MOK: variants seen among roughly 807,000 people sequenced by gnomAD.
The protein encoded by MOK is MAPK/MAK/MRK overlapping kinase.
MOK carries 59 observed loss-of-function variants against 54.2 expected under a neutral mutation model. The observed-to-expected ratio is 1.09, with a 90% CI of 0.88 to 1.35. MOK has a LOEUF of 1.35. Among genes scored for constraint, MOK ranks in the 40% most tolerant of loss-of-function variants. The pLI is 0.00. For missense variants in MOK, 517 were observed against 526.2 expected, an observed-to-expected ratio of 0.98 and a Z score of 0.17; for synonymous variants, 210 against 202.7, an observed-to-expected ratio of 1.04 and a Z score of -0.31.
chr14:102,272,400 G>T (rs998303819), intron 2 of MOK, among the ~76,000 whole-genome samples: 1 of 151,750 alleles, frequency 6.6e-6, no homozygotes, highest in Non-Finnish European at 1.5e-5. Flanking sequence ...AAGCAGAATT[G>T]CTTGAGGCGG....
At chr14:102,285,884 C>T (rs1388271375) in intron 1 of MOK, among the ~76,000 whole-genome samples, 2 of 151,806 alleles carry the variant, frequency 1.3e-5, no homozygotes, top group Non-Finnish European at 2.9e-5. Flanking sequence ...AAGAGCAAAA[C>T]TCTGTCTCAA....
intron 1 of MOK, among the ~76,000 whole-genome samples, chr14:102,285,396 C>G (rs1054310110): frequency 6.6e-6 from 1 of 152,166 alleles, no homozygotes; most frequent in Non-Finnish European, 1.5e-5. Context: ...AACTGCAGCG[C>G]TGAAGGTGGG....
At chr14:102,287,816 T>C (rs926555856) in intron 1 of MOK, among the ~76,000 whole-genome samples, 1 of 150,024 alleles carries the variant, frequency 6.7e-6, no homozygotes, top group Non-Finnish European at 1.5e-5. Context: ...GCCAGTTCTT[T>C]GAGATTTTTT....
chr14:102,272,001 C>T (rs905311518), intron 2 of MOK, among the ~76,000 whole-genome samples: 12 of 152,154 alleles, frequency 7.9e-5, no homozygotes, highest in African/African-American at 2.9e-4. Flanking sequence ...ACCTCAGCCT[C>T]CCAAGTGGCT....
intron 7 of MOK, among the ~76,000 whole-genome samples, chr14:102,239,512 C>T (rs1214176787): frequency 2.0e-5 from 3 of 146,584 alleles, no homozygotes; most frequent in African/African-American, 4.9e-5. Flanking sequence ...ACACCAGGCC[C>T]TCCCAATACC....
At chr14:102,237,617 A>AAACC (rs1313803481) in intron 7 of MOK, among the ~76,000 whole-genome samples, 2 of 152,144 alleles carry the variant, frequency 1.3e-5, no homozygotes, top group Non-Finnish European at 2.9e-5. Context: ...TGCAAACTTC[A>AAACC]AACCGCTCTT....
At chr14:102,256,584 T>A (rs1229789252) in intron 4 of MOK, among the ~76,000 whole-genome samples, 4 of 151,560 alleles carry the variant, frequency 2.6e-5, no homozygotes, top group South Asian at 2.1e-4. Flanking sequence ...AAAAAAAAAA[T>A]TGTTTTTTTG....
intron 4 of MOK, among the ~76,000 whole-genome samples, chr14:102,262,438 T>G (rs1420338679): frequency 6.6e-6 from 1 of 152,260 alleles, no homozygotes; most frequent in African/African-American, 2.4e-5. Context: ...ATTATAGGCA[T>G]GAGCCACTGC....
At chr14:102,268,858 T>G (rs1265459760) in intron 2 of MOK, among the ~76,000 whole-genome samples, 3 of 148,626 alleles carry the variant, frequency 2.0e-5, no homozygotes, top group Non-Finnish European at 4.4e-5. Context: ...GAGCTTGCAG[T>G]AAGCCGAAAT....
chr14:102,299,015 G>A (rs1385139844), intron 1 of MOK, among the ~76,000 whole-genome samples: 1 of 152,088 alleles, frequency 6.6e-6, no homozygotes, highest in African/African-American at 2.4e-5. Context: ...AACTTCAGAA[G>A]GAACAAACTC....
Position 102,231,672 on chromosome 14 carries a change from G to T in MOK, c.981+35C>A. Reference sequence around the variant, plus strand: ...CCCGAGGGCATCCAGTCCCGGCTGAGCTAGGCAGTCTCCGGCTCCGATTTC... The same window carrying T: ...CCCGAGGGCATCCAGTCCCGGCTGATCTAGGCAGTCTCCGGCTCCGATTTC... On this transcript the variant is annotated intron_variant, in intron 10 of 11. Coordinates refer to ENST00000361847, the MANE Select transcript of MOK (RefSeq NM_014226.3). The surrounding 1 kb of genome is among the most constrained non-coding windows in gnomAD (Gnocchi z 4.4). The T allele has an allele frequency of 6.3e-7, 1 of 1,590,510 alleles. No homozygotes were observed. The highest frequency in any genetic ancestry group is 8.6e-7 in the Non-Finnish European group (1 of 1,161,330).
chr14:102,214,691 T>C, the MOK span: 16 of 982,714 alleles, frequency 1.6e-5, no homozygotes, highest in African/African-American at 2.8e-4. Flanking sequence ...AAAGTAAAAT[T>C]CACATGTATT....
chr14:102,272,066 G>GTCTC (rs1392210563), intron 2 of MOK, among the ~76,000 whole-genome samples: 1 of 151,276 alleles, frequency 6.6e-6, no homozygotes, highest in Non-Finnish European at 1.5e-5. Context: ...TAGAAACAAG[G>GTCTC]TCTCATCTTG....
At chr14:102,262,754 T>C (rs977732410) in intron 4 of MOK, among the ~76,000 whole-genome samples, 1 of 152,250 alleles carries the variant, frequency 6.6e-6, no homozygotes, top group African/African-American at 2.4e-5. Context: ...TCATCTATGA[T>C]GCTGTCACTA....
chr14:102,299,003 T>C (rs1012101694), intron 1 of MOK, among the ~76,000 whole-genome samples: 4 of 152,122 alleles, frequency 2.6e-5, no homozygotes, highest in African/African-American at 7.2e-5. Context: ...TCAACACATC[T>C]GAACTTCAGA....
chr14:102,269,631 C>G (rs572090308), intron 2 of MOK, among the ~76,000 whole-genome samples: 280 of 152,160 alleles, frequency 1.8e-3, no homozygotes, highest in African/African-American at 6.5e-3. Flanking sequence ...TGCCACCATG[C>G]CTGGCTGATT....
In MOK at chr14:102,245,309, T is replaced by C. The variant is rs746516399; in HGVS notation, c.590+5503A>G. ...AGCAGCCCTGAGAAACATCGCCCAT[T>C]ATCTCTTCATACCACCCCCCCAAAA... On this transcript the variant is annotated intron_variant, in intron 7 of 11. Coordinates refer to ENST00000361847, the MANE Select transcript of MOK (RefSeq NM_014226.3). The surrounding 1 kb of genome is among the most constrained non-coding windows in gnomAD (Gnocchi z 4.3). 1.6e-4 allele frequency among the ~76,000 whole-genome samples: 24 copies of C among 151,648 alleles called. No individual in the cohort carries two copies. The highest frequency in any genetic ancestry group is 2.9e-4 in the Non-Finnish European group (20 of 67,968).
intron 1 of MOK, among the ~76,000 whole-genome samples, chr14:102,288,649 T>C (rs1231500871): frequency 1.3e-5 from 2 of 152,190 alleles, no homozygotes; most frequent in East Asian, 3.8e-4. Context: ...TCAGAAAATA[T>C]ACTTAAAATC....
chr14:102,256,138 G>T (rs1397113130), intron 4 of MOK, among the ~76,000 whole-genome samples: 2 of 151,048 alleles, frequency 1.3e-5, no homozygotes, highest in African/African-American at 4.9e-5. Flanking sequence ...TCACTCTGTT[G>T]CCCAGGCTGG....
Sources: gnomAD v4.1 joint callset for allele counts (sites outside exome capture counted in the v4.1 genomes callset) on GRCh38, gnomAD v4.1.1 for gene constraint, Gnocchi (gnomAD v3.1) non-coding constraint, MANE v1.5 for transcripts, NCBI Gene and HGNC (gene_info 2026-07-23, HGNC 2026-07-21) for gene names.